PCDHGB1: variants seen among roughly 807,000 people sequenced by gnomAD.
PCDHGB1 encodes the protein protocadherin gamma-B1.
PCDHGB1 carries 34 observed loss-of-function variants against 56.6 expected under a neutral mutation model. That is an observed-to-expected ratio of 0.60 (90% confidence interval 0.46 to 0.80). The LOEUF (loss-of-function observed/expected upper bound fraction) is 0.80. PCDHGB1 is among the 30% of genes least tolerant of loss of function. The pLI, the probability that PCDHGB1 is intolerant of heterozygous loss-of-function variation, is 0.00. For synonymous variants in PCDHGB1, 561 were observed against 505.9 expected (o/e 1.11, Z -1.46); for missense variants, 1,278 against 1,204.6 (o/e 1.06, Z -0.90).
intron 1 of PCDHGB1, among the ~76,000 whole-genome samples, chr5:141,469,315 G>A (rs1160946697): frequency 6.6e-6 from 1 of 151,866 alleles, no homozygotes; most frequent in African/African-American, 2.4e-5. Flanking sequence ...GATGGCTCAC[G>A]CCTGTAATCC....
chr5:141,433,437 T>C (rs1422634356), intron 1 of PCDHGB1, among the ~76,000 whole-genome samples: 2 of 152,076 alleles, frequency 1.3e-5, no homozygotes, highest in Admixed American at 1.3e-4. Flanking sequence ...AGTCTCACTA[T>C]GTTGAGCAGG....
Position 141,464,284 on chromosome 5 carries a change from A to C in PCDHGB1, c.2410-30523A>C, listed in dbSNP as rs1237360752. ...CGTCTAAAAAAAAAAAAAAGCAAAA[A>C]AAAAAACTCCATTGTATGTGCACAT... On this transcript the variant is annotated intron_variant, in intron 1 of 3. Coordinates refer to ENST00000523390, the MANE Select transcript of PCDHGB1 (RefSeq NM_018922.3). 4.0e-5 allele frequency among the ~76,000 whole-genome samples: 6 copies of C among 151,546 alleles called. No individual in the cohort carries two copies. The South Asian group carries it at 1.0e-3, about 26-fold the overall frequency.
intron 1 of PCDHGB1, among the ~76,000 whole-genome samples, chr5:141,353,542 T>C (rs1272811023): frequency 6.6e-6 from 1 of 152,226 alleles, no homozygotes; most frequent in African/African-American, 2.4e-5. Flanking sequence ...ATCACTAACT[T>C]TGAGTCAATA....
At chr5:141,403,495 C>T (rs2094413954) in intron 1 of PCDHGB1, 2 of 1,614,014 alleles carry the variant, frequency 1.2e-6, no homozygotes, top group Non-Finnish European at 1.7e-6. Flanking sequence ...TCTCCCTGAA[C>T]GTGCAGACTG....
rs1285129755 is a variant in PCDHGB1 at position 141,350,449 on chromosome 5, A to C, written c.189A>C (p.Lys63Asn). The C allele has an allele frequency of 1.2e-6, 2 of 1,610,634 alleles. No homozygotes were observed. Among genetic ancestry groups the C allele is most frequent in the African/African-American group, 2.7e-5 (2 of 74,816 alleles). The stretch of plus-strand genomic sequence containing the variant: ...GTGTCCGGGAGTTGCCAACTCGAAA[A>C]CTGCGGGTTAGTGCAGAGGATTATT... ...GLSVRELPTR[K>N]LRVSAEDYFN... Residue 63 changes from lysine (K) to asparagine (N), a missense_variant, in exon 1 of 4, where the codon AAA becomes AAC. Coordinates refer to ENST00000523390, the MANE Select transcript of PCDHGB1 (RefSeq NM_018922.3).
In PCDHGB1 at chr5:141,357,021, C is replaced by A. The variant is rs1285126199; in HGVS notation, c.2409+4352C>A. 1.9e-6 allele frequency: 3 copies of A among 1,614,146 alleles called. No homozygotes were observed. In the East Asian group the frequency reaches 6.7e-5, roughly 36 times the overall value. On this transcript the variant is annotated intron_variant, in intron 1 of 3. Transcript: ENST00000523390. ...GTCAGAATGCCTGGCTGTCCTACAG[C>A]CTACTCAAGTCCAGCGAGCCGGGAC...
At chr5:141,354,919 AAAT>A (rs1231499127) in intron 1 of PCDHGB1, 4 of 413,464 alleles carry the variant, frequency 9.7e-6, no homozygotes, top group Non-Finnish European at 1.7e-5. Context: ...AGTGTATAAA[AAAT>A]AAACTTTTTT....
rs770010951 is a variant in PCDHGB1 at position 141,408,783 on chromosome 5, T to A, written c.2409+56114T>A. On this transcript the variant is annotated intron_variant, in intron 1 of 3. Transcript: ENST00000523390. ...TCCGATGGTGGCAAATACCCAGAGT[T>A]ATCTCTGGAGAAACTCCTAGACCGG... 26 of 1,612,386 alleles carry A rather than the reference T, an allele frequency of 1.6e-5. No homozygotes were observed. The East Asian group carries it at 5.8e-4, about 36-fold the overall frequency.
At chr5:141,478,299 G>A (rs201916687) in intron 1 of PCDHGB1, 1 of 1,614,056 alleles carries the variant, frequency 6.2e-7, no homozygotes, top group Non-Finnish European at 8.5e-7. Flanking sequence ...GACCTATACC[G>A]AGCCCCGGTG....
intron 1 of PCDHGB1, among the ~76,000 whole-genome samples, chr5:141,463,534 C>T (rs866525322): frequency 2.6e-4 from 39 of 148,938 alleles, no homozygotes; most frequent in Admixed American, 7.5e-4. Flanking sequence ...CTAGAAACTC[C>T]GGCTCCCGGG....
At chr5:141,422,394 C>T (rs898242724) in intron 1 of PCDHGB1, 1 of 1,595,520 alleles carries the variant, frequency 6.3e-7, no homozygotes, top group Non-Finnish European at 8.5e-7. Context: ...TTATTCCTAA[C>T]CACCTGCCTT....
rs562192762 is a variant in PCDHGB1, at chr5:141,485,718, T to C, written c.2410-9089T>C. 1 of 1,614,058 alleles carries C rather than the reference T, an allele frequency of 6.2e-7. No homozygotes were observed. The highest frequency in any genetic ancestry group is 2.2e-5 in the East Asian group (1 of 44,866). On this transcript the variant is annotated intron_variant, in intron 1 of 3. Coordinates refer to ENST00000523390, the MANE Select transcript of PCDHGB1 (RefSeq NM_018922.3). This position sits in a 1 kb window ranked among gnomAD's most constrained non-coding sequence, Gnocchi z 5.7. ...TCCAATGAACACTTTGCACTGGATG[T>C]GAAGAAGCGCAGCGACGGCAGCCTG...
chr5:141,368,326 T>A (rs1444418576), intron 1 of PCDHGB1, among the ~76,000 whole-genome samples: 3 of 152,122 alleles, frequency 2.0e-5, no homozygotes, highest in Non-Finnish European at 2.9e-5. Context: ...TTCAAGTATA[T>A]CTATATCTAT....
intron 1 of PCDHGB1, chr5:141,357,697 T>C (rs1433075291): frequency 2.0e-6 from 3 of 1,523,702 alleles, no homozygotes; most frequent in East Asian, 2.3e-5. Context: ...TCATTTTATA[T>C]GTAATATATC....
intron 1 of PCDHGB1, among the ~76,000 whole-genome samples, chr5:141,449,298 T>C (rs1197693931): frequency 6.6e-6 from 1 of 152,058 alleles, no homozygotes; most frequent in Non-Finnish European, 1.5e-5. Flanking sequence ...CCGGGTGAAT[T>C]ATATGTATTA....
chr5:141,356,960 T>G, intron 1 of PCDHGB1: 1 of 1,614,210 alleles, frequency 6.2e-7, no homozygotes, highest in Non-Finnish European at 8.5e-7. Flanking sequence ...TCCGGCTACC[T>G]GGTGACCAAA....
chr5:141,469,103 C>A (rs949254605), intron 1 of PCDHGB1, among the ~76,000 whole-genome samples: 2 of 151,844 alleles, frequency 1.3e-5, no homozygotes, highest in African/African-American at 2.4e-5. Context: ...AAAGCAAGAA[C>A]CTGTCTCTAA....
chr5:141,418,284 T>A (rs766608852), intron 1 of PCDHGB1: 19 of 1,613,826 alleles, frequency 1.2e-5, no homozygotes, highest in Non-Finnish European at 1.4e-5. Flanking sequence ...AACTTAGAAA[T>A]CAGTGAATCC....
At chr5:141,458,132 G>C (rs2098938269) in intron 1 of PCDHGB1, among the ~76,000 whole-genome samples, 1 of 152,218 alleles carries the variant, frequency 6.6e-6, no homozygotes, top group South Asian at 2.1e-4. Flanking sequence ...GAACCAGGCA[G>C]AGAAAAATGA....
Sources: allele counts gnomAD v4.1 joint callset (sites outside exome capture counted in the v4.1 genomes callset), GRCh38; gene constraint gnomAD v4.1.1; non-coding constraint Gnocchi (gnomAD v3.1); transcripts MANE v1.5; gene names NCBI Gene and HGNC (gene_info 2026-07-23, HGNC 2026-07-21).